Variants in SYNPO observed in about 807,000 individuals in gnomAD.
SYNPO encodes the protein synaptopodin.
Under a neutral mutation model 49.5 loss-of-function variants are expected in SYNPO, and 19 were observed. That is an observed-to-expected ratio of 0.38 (90% CI 0.27 to 0.56). The LOEUF (loss-of-function observed/expected upper bound fraction) is 0.56. Among genes scored for constraint, SYNPO ranks in the 20% least tolerant of loss-of-function variants. SYNPO has a pLI of 0.68. For synonymous variants in SYNPO, 536 were observed against 548.0 expected (o/e 0.98, Z 0.31); for missense variants, 1,131 against 1,248.3 (o/e 0.91, Z 1.42).
At position 150,649,434 on chromosome 5, in the gene SYNPO, C is replaced by A; in HGVS notation, c.1159C>A (p.Pro387Thr). The change falls in exon 2 of 3, where the codon CCC becomes ACC. Residue 387 changes from proline (P) to threonine (T), a missense_variant. Pro to Thr is a conservative substitution (Grantham distance 38). This residue lies in a region of SYNPO where 602 missense variants were observed against 720.7 expected (regional missense o/e 0.84). Transcript: ENST00000307662. ...ATCCATGTTTACTTTCGTGGAGAAG[C>A]CCAAGGTGACCCCGAATCCAGACTT... ...RKSMFTFVEK[P>T]KVTPNPDLLD... 1 of 1,614,204 alleles carries A rather than the reference C, an allele frequency of 6.2e-7. No individual in the cohort carries two copies. The highest frequency in any genetic ancestry group is 8.5e-7 in the Non-Finnish European group (1 of 1,180,040).
At chr5:150,656,325 G>A in intron 2 of SYNPO, 79 bp from the exon 3 acceptor site, 1 of 1,194,888 alleles carries the variant, frequency 8.4e-7, no homozygotes. Context: ...TGGACAAATC[G>A]GACTCCGTCC....
chr5:150,620,888 T>C (rs1389651961), intron 2 of SYNPO, among the ~76,000 whole-genome samples: 1 of 148,224 alleles, frequency 6.7e-6, no homozygotes, highest in Non-Finnish European at 1.5e-5. Flanking sequence ...TTTTTCTTTT[T>C]TTCTTTTTTT....
At chr5:150,654,305 C>T (rs1758486317) in intron 2 of SYNPO, 1 of 151,854 alleles carries the variant, frequency 6.6e-6, no homozygotes, top group South Asian at 2.1e-4. Flanking sequence ...CCCAAGCCCT[C>T]CACTTTCAAA....
intron 2 of SYNPO, chr5:150,651,754 T>C (rs976902009): frequency 2.0e-6 from 2 of 1,000,324 alleles, no homozygotes; most frequent in Non-Finnish European, 2.4e-6. Flanking sequence ...ACAGACCAAC[T>C]GCATGTGTGT....
At chr5:150,630,576 A>G (rs2151386781) in intron 2 of SYNPO, among the ~76,000 whole-genome samples, 1 of 152,306 alleles carries the variant, frequency 6.6e-6, no homozygotes, top group Middle Eastern at 3.4e-3. Context: ...ACGGAGAACA[A>G]GCATGCCACC....
rs756648276 is a variant in SYNPO, at chr5:150,649,122, C to T, written c.847C>T (p.Arg283Trp). The T allele has an allele frequency of 2.0e-5, 32 of 1,613,956 alleles. 1 individual carries two copies. Among genetic ancestry groups the T allele is most frequent in the South Asian group, 5.5e-5 (5 of 91,088 alleles). ...CCCCAGTTTGCCAGACAGGAGCCCC[C>T]GGCCACAGAGACACATAATGTCCCG... ...QPPSLPDRSP[R>W]PQRHIMSRSP... The change falls in exon 2 of 3, where the codon CGG (arginine) becomes TGG (tryptophan). Residue 283 changes from arginine (R) to tryptophan (W), a missense_variant. By Grantham distance (101) the Arg-to-Trp change is moderately radical (BLOSUM62 -3). Coordinates refer to ENST00000307662, the MANE Select transcript of SYNPO (RefSeq NM_007286.6).
intron 2 of SYNPO, among the ~76,000 whole-genome samples, chr5:150,632,068 C>G (rs576690716): frequency 6.6e-6 from 1 of 152,268 alleles, no homozygotes; most frequent in Non-Finnish European, 1.5e-5. Flanking sequence ...CCCGGGATGG[C>G]AGGCAGGAGG....
rs1317533638 is a variant in SYNPO, at chr5:150,656,675, G to A, written c.2300G>A (p.Arg767His). The A allele has an allele frequency of 3.4e-6, 5 of 1,472,684 alleles. No homozygotes were observed. Among genetic ancestry groups the A allele is most frequent in the Non-Finnish European group, 2.7e-6 (3 of 1,117,980 alleles). The allele number at this position is 1,472,684 out of a possible 1,614,324, so 91.2% of individuals were successfully genotyped here. Residue 767 changes from arginine to histidine, a missense_variant, in exon 3 of 3, where the codon CGC (arginine) becomes CAC (histidine). This residue lies in a region of SYNPO where 509 missense variants were observed against 484.5 expected (regional missense o/e 1.05). Transcript: ENST00000307662. The stretch of plus-strand genomic sequence containing the variant: ...CGAAACATCATCAATGCGGCCCGGC[G>A]CAAGAGCGCCTCCCCGCGGTCGGCG... The part of the protein sequence containing the change: ...LARNIINAAR[R>H]KSASPRSAGA...
chr5:150,647,792 C>A (rs1220935725), intron 1 of SYNPO, among the ~76,000 whole-genome samples, 152 bp from the exon 2 acceptor site: 1 of 152,150 alleles, frequency 6.6e-6, no homozygotes, highest in Non-Finnish European at 1.5e-5. Context: ...ACGAAGTGAG[C>A]TAATTCTAAG....
intron 2 of SYNPO, among the ~76,000 whole-genome samples, chr5:150,629,376 C>G (rs1363873625): frequency 6.6e-6 from 1 of 152,122 alleles, no homozygotes; most frequent in Non-Finnish European, 1.5e-5. Flanking sequence ...AACGGATGCT[C>G]GAACCTCCGC....
chr5:150,649,193 C>T lies in SYNPO; in HGVS notation c.918C>T (p.Ala306=), dbSNP rs1758243501. 8 of 1,614,066 alleles carry T rather than the reference C, an allele frequency of 5.0e-6. No homozygotes were observed. Among genetic ancestry groups the T allele is most frequent in the Non-Finnish European group, 6.8e-6 (8 of 1,180,034 alleles). ...GGATGATGGGGCAGCGAAGCCCGGC[C>T]TCAGAGAGACGCCCCTTGGGGAACT... is the stretch of plus-strand genomic sequence containing the variant. ...ERRMMGQRSP[A]SERRPLGNFT... is the part of the protein sequence containing the mutation. The change falls in exon 2 of 3, where the codon GCC becomes GCT. Residue 306 remains alanine (A), a synonymous_variant. Transcript: ENST00000307662.
At chr5:150,637,867 G>A (rs1363117944), upstream of SYNPO, among the ~76,000 whole-genome samples, 1 of 152,184 alleles carries the variant, frequency 6.6e-6, no homozygotes, top group Admixed American at 6.5e-5. Context: ...GGTGGAGGCG[G>A]AGGGTCCCAG....
chr5:150,600,151 G>A (rs1236256218), upstream of SYNPO, among the ~76,000 whole-genome samples: 6 of 152,362 alleles, frequency 3.9e-5, no homozygotes, highest in East Asian at 1.9e-4. Flanking sequence ...GATGGAGGGC[G>A]AGAGGGGACT....
At chr5:150,603,776 G>T (rs1436475494) in intron 1 of SYNPO, among the ~76,000 whole-genome samples, 1 of 152,210 alleles carries the variant, frequency 6.6e-6, no homozygotes, top group Non-Finnish European at 1.5e-5. Flanking sequence ...CTGACATGCA[G>T]TGTGACCCTA....
chr5:150,612,866 A>C (rs1253688856), intron 1 of SYNPO, among the ~76,000 whole-genome samples: 1 of 152,008 alleles, frequency 6.6e-6, no homozygotes, highest in African/African-American at 2.4e-5. Flanking sequence ...TGCAGCCTTG[A>C]CCTCCTGGGC....
chr5:150,593,870 G>T, the SYNPO span, among the ~76,000 whole-genome samples: 1 of 152,196 alleles, frequency 6.6e-6, no homozygotes, highest in Non-Finnish European at 1.5e-5. Context: ...GGGTAAATGG[G>T]CAGTGTGTGG....
rs1407613138 is a variant in SYNPO at position 150,657,183 on chromosome 5, A to G, written c.*96A>G. 2 of 1,334,656 alleles carry G rather than the reference A, an allele frequency of 1.5e-6. No individual in the cohort carries two copies. The highest frequency in any genetic ancestry group is 2.9e-5 in the South Asian group (2 of 69,718). The allele number at this position is 1,334,656 out of a possible 1,614,324, so 82.7% of individuals were successfully genotyped here. A position where few individuals can be genotyped will look rare whatever the true frequency, so the allele number is the denominator to read the frequency against. On this transcript the variant is annotated 3_prime_UTR_variant, in exon 3 of 3. Transcript: ENST00000307662. ...GGGTCTGGCCTCTTTGGGCAGCCCC[A>G]GAGATGAGGGGTCAGCAGAGGAGAG... is the stretch of plus-strand genomic sequence containing the variant.
At chr5:150,620,946 T>TTTCTTTC (rs780412043) in intron 2 of SYNPO, among the ~76,000 whole-genome samples, 167 of 65,818 alleles carry the variant, frequency 2.5e-3, no homozygotes, top group African/African-American at 4.0e-3. Context: ...TCTTTCTTTC[T>TTTCTTTC]TTTCTTTTCT....
chr5:150,656,442 G>A lies in SYNPO; in HGVS notation c.2067G>A (p.Thr689=). 12 of 1,531,686 alleles carry A rather than the reference G, an allele frequency of 7.8e-6. No homozygotes were observed. Among genetic ancestry groups the A allele is most frequent in the Non-Finnish European group, 1.0e-5 (12 of 1,145,202 alleles). 94.9% of individuals were successfully genotyped at this position (1,531,686 alleles called of 1,614,324 possible). The change falls in exon 3 of 3, where the codon ACG becomes ACA. Residue 689 remains threonine (T), a synonymous_variant. Coordinates refer to ENST00000307662, the MANE Select transcript of SYNPO (RefSeq NM_007286.6). ...RESLPTSPPW[T]PGASRPPSSL... ...GCCTGCCCACCTCCCCACCCTGGACGCCGGGCGCGTCCCGGCCCCCCAGCA... is the reference window on the plus strand; with the variant it reads ...GCCTGCCCACCTCCCCACCCTGGACACCGGGCGCGTCCCGGCCCCCCAGCA...
Sources: gnomAD v4.1 joint callset for allele counts (sites outside exome capture counted in the v4.1 genomes callset) on GRCh38, gnomAD v4.1.1 for gene constraint, gnomAD v4.1.1 regional missense constraint, MANE v1.5 for transcripts, NCBI Gene and HGNC (gene_info 2026-07-23, HGNC 2026-07-21) for gene names.